The following GATA4 variants were observed in gnomAD, a reference collection of about 807,000 sequenced individuals.
GATA4 encodes GATA binding protein 4, also known as transcription factor GATA-4.
Under a neutral mutation model 37.9 loss-of-function variants are expected in GATA4, and 7 were observed. The observed-to-expected ratio is 0.18, with a 90% CI of 0.11 to 0.35. The LOEUF (loss-of-function observed/expected upper bound fraction) is 0.35. Ranked by LOEUF, GATA4 falls within the 10% of genes least tolerant of loss-of-function variation. The probability of loss-of-function intolerance (pLI) is 1.00; values close to 1 mark genes in which losing one functional copy is unlikely to be tolerated. For missense variants in GATA4, 647 were observed against 653.0 expected, an observed-to-expected ratio of 0.99 and a Z score of 0.10; for synonymous variants, 372 against 292.6, an observed-to-expected ratio of 1.27 and a Z score of -2.77.
At chr8:11,693,290 A>G (rs542429526) in intron 1 of GATA4, among the ~76,000 whole-genome samples, 3 of 152,010 alleles carry the variant, frequency 2.0e-5, no homozygotes, top group African/African-American at 7.2e-5. Flanking sequence ...CCATGGCGAA[A>G]CTCCATCTCT....
chr8:11,714,350 T>C (rs549345160), intron 2 of GATA4, among the ~76,000 whole-genome samples: 1 of 152,332 alleles, frequency 6.6e-6, no homozygotes, highest in East Asian at 1.9e-4. Context: ...GCATTCAAGG[T>C]GTTCTCAGAG....
chr8:11,758,753 C>G lies in GATA4; in HGVS notation c.*278C>G, dbSNP rs552028139. On this transcript the variant is annotated 3_prime_UTR_variant, in exon 7 of 7. Transcript: ENST00000532059. ...TTGGAGACTTCTTTCCCAAGATGTCCTTGTCCCCTGCGTTCCCCACTGTGG... is the reference window on the plus strand; with the variant it reads ...TTGGAGACTTCTTTCCCAAGATGTCGTTGTCCCCTGCGTTCCCCACTGTGG... The G allele has an allele frequency of 1.0e-5, 5 of 497,464 alleles. No individual in the cohort carries two copies. Among genetic ancestry groups the G allele is most frequent in the African/African-American group, 3.9e-5 (2 of 51,496 alleles). 30.8% of individuals were successfully genotyped at this position (497,464 alleles called of 1,614,324 possible).
chr8:11,697,709 G>T, intron 1 of GATA4: 2 of 985,460 alleles, frequency 2.0e-6, no homozygotes, highest in Non-Finnish European at 1.2e-6. Flanking sequence ...TGGGCTTCGC[G>T]CTTCCTTGAC....
chr8:11,690,438 G>C (rs1011062541), upstream of GATA4, among the ~76,000 whole-genome samples: 3 of 152,172 alleles, frequency 2.0e-5, no homozygotes, highest in Non-Finnish European at 4.4e-5. Flanking sequence ...TAAAATTTTG[G>C]AGAGAGAGGT....
chr8:11,696,718 G>C (rs902282852), intron 1 of GATA4, among the ~76,000 whole-genome samples: 5 of 152,248 alleles, frequency 3.3e-5, no homozygotes, highest in Non-Finnish European at 7.3e-5. Flanking sequence ...CTGACAAAAA[G>C]TGGTGTATGG....
At chr8:11,720,029 T>G (rs1021075824) in intron 2 of GATA4, among the ~76,000 whole-genome samples, 1 of 151,876 alleles carries the variant, frequency 6.6e-6, no homozygotes, top group East Asian at 1.9e-4. Context: ...TGAAAAGGGG[T>G]GACCCAAGAT....
At chr8:11,692,627 G>C (rs894663800) in exon 1 of GATA4, 2 of 985,190 alleles carry the variant, frequency 2.0e-6, no homozygotes, top group African/African-American at 3.5e-5. Flanking sequence ...CTGGGGACCC[G>C]CGGCCTCTGC....
Position 11,704,286 on chromosome 8 carries a change from G to C in GATA4, c.-476G>C, listed in dbSNP as rs1323111723. The C allele has an allele frequency of 1.3e-5, 2 of 152,248 alleles. No homozygotes were observed. The highest frequency in any genetic ancestry group is 2.4e-5 in the African/African-American group (1 of 41,476). 9.4% of individuals were successfully genotyped at this position (152,248 alleles called of 1,614,324 possible). A position where few individuals can be genotyped will look rare whatever the true frequency, so the allele number is the denominator to read the frequency against. ...GGGGGCTCCCAGGGGAGCGTGCGCG[G>C]AACCTCCAGGCCCAGCAGGTAGGGC... On this transcript the variant is annotated 5_prime_UTR_variant, in exon 1 of 7. Coordinates refer to ENST00000532059, the MANE Select transcript of GATA4 (RefSeq NM_001308093.3).
chr8:11,696,522 T>C (rs994439725), intron 1 of GATA4, among the ~76,000 whole-genome samples: 19 of 152,248 alleles, frequency 1.2e-4, no homozygotes, highest in Admixed American at 1.0e-3. Context: ...TTAAGGATCA[T>C]TTGAGTGGTT....
intron 1 of GATA4, among the ~76,000 whole-genome samples, chr8:11,677,573 G>A (rs1376429471): frequency 6.6e-6 from 1 of 152,130 alleles, no homozygotes; most frequent in African/African-American, 2.4e-5. Flanking sequence ...TCTTAAGAAC[G>A]CCCTTGGAAA....
At position 11,758,761 on chromosome 8, in the gene GATA4, C is replaced by G; in HGVS notation, c.*286C>G. The stretch of plus-strand genomic sequence containing the variant: ...TTCTTTCCCAAGATGTCCTTGTCCC[C>G]TGCGTTCCCCACTGTGGCCTAGACC... On this transcript the variant is annotated 3_prime_UTR_variant, in exon 7 of 7. Coordinates refer to ENST00000532059, the MANE Select transcript of GATA4 (RefSeq NM_001308093.3). 2.1e-6 allele frequency: 1 copy of G among 478,338 alleles called. No individual in the cohort carries two copies. The highest frequency in any genetic ancestry group is 3.8e-6 in the Non-Finnish European group (1 of 259,988). 29.6% of individuals were successfully genotyped at this position (478,338 alleles called of 1,614,324 possible).
At chr8:11,757,159 TG>T in intron 6 of GATA4, 76 bp downstream of exon 6, 1 of 1,581,710 alleles carries the variant, frequency 6.3e-7, no homozygotes, top group Non-Finnish European at 8.6e-7. Flanking sequence ...AGCCTAGTAC[TG>T]GGTGGGACTT....
chr8:11,708,400 G>C lies in GATA4; in HGVS notation c.88G>C (p.Ala30Pro). The C allele has an allele frequency of 1.3e-6, 2 of 1,541,452 alleles. No homozygotes were observed. Among genetic ancestry groups the C allele is most frequent in the Non-Finnish European group, 1.7e-6 (2 of 1,150,196 alleles). Reference protein sequence around the residue: ...AGGPGAFMHGAGAASSPVYVP... With the variant: ...AGGPGAFMHGPGAASSPVYVP... ...CGGCCCCGGCGCCTTCATGCACGGC[G>C]CGGGCGCCGCGTCCTCGCCAGTCTA... Residue 30 changes from alanine (A) to proline (P), a missense_variant, in exon 2 of 7, where the codon GCG becomes CCG. Ala to Pro is a conservative substitution (Grantham distance 27, BLOSUM62 -1). Around this residue, in one of 5 missense-constraint regions of GATA4, gnomAD observed 379 missense variants for 334.5 expected, o/e 1.13. Transcript: ENST00000532059. This position sits in a 1 kb window ranked among gnomAD's most constrained non-coding sequence, Gnocchi z 6.7.
At chr8:11,738,320 C>T (rs1390950) in intron 2 of GATA4, among the ~76,000 whole-genome samples, 109,500 of 151,996 alleles carry the variant, frequency 0.72, 40,472 homozygotes, top group African/African-American at 0.9. Context: ...AAACAACCAG[C>T]ATGATCAGTT....
At chr8:11,724,747 C>A (rs1800836721) in intron 2 of GATA4, among the ~76,000 whole-genome samples, 1 of 152,146 alleles carries the variant, frequency 6.6e-6, no homozygotes, top group Non-Finnish European at 1.5e-5. Flanking sequence ...AAATGCATTG[C>A]CCACATGGAG....
intron 1 of GATA4, chr8:11,680,437 C>T: frequency 3.1e-6 from 3 of 975,764 alleles, no homozygotes; most frequent in Non-Finnish European, 3.7e-6. Flanking sequence ...TCCCTCTCAT[C>T]GCCTCTCCGT....
intron 1 of GATA4, chr8:11,697,430 C>T (rs1417327475): frequency 1.8e-5 from 8 of 434,582 alleles, no homozygotes; most frequent in African/African-American, 1.3e-4. Context: ...TACAAGAAAC[C>T]GATGATTTCT....
chr8:11,757,990 T>C (rs943232694), intron 6 of GATA4, among the ~76,000 whole-genome samples: 2 of 152,190 alleles, frequency 1.3e-5, no homozygotes, highest in African/African-American at 2.4e-5. Flanking sequence ...GTGGTGGTGA[T>C]AGGATGGTAG....
chr8:11,677,462 C>T (rs1309513563), intron 1 of GATA4, among the ~76,000 whole-genome samples: 1 of 152,130 alleles, frequency 6.6e-6, no homozygotes, highest in African/African-American at 2.4e-5. Context: ...ACATACACAC[C>T]AGAAATCAAA....
Sources: gnomAD v4.1 joint callset for allele counts (sites outside exome capture counted in the v4.1 genomes callset) on GRCh38, gnomAD v4.1.1 for gene constraint, gnomAD v4.1.1 regional missense constraint, Gnocchi (gnomAD v3.1) non-coding constraint, MANE v1.5 for transcripts, NCBI Gene and HGNC (gene_info 2026-07-23, HGNC 2026-07-21) for gene names.